AHCYL2: variants seen among roughly 807,000 people sequenced by gnomAD.
AHCYL2 encodes adenosylhomocysteinase like 2.
A neutral mutation model predicts 81.4 loss-of-function variants in AHCYL2; 28 were observed. The observed-to-expected ratio is 0.34, with a 90% confidence interval of 0.25 to 0.47. The LOEUF (loss-of-function observed/expected upper bound fraction) is 0.47, where lower values mean the gene tolerates loss of function less well. AHCYL2 is among the 20% of genes least tolerant of loss of function. AHCYL2 has a pLI of 1.00. For synonymous variants in AHCYL2, 272 were observed against 290.2 expected (o/e 0.94, Z 0.64); for missense variants, 551 against 785.1 (o/e 0.70, Z 3.56).
chr7:129,393,522 A>G (rs951898630), intron 4 of AHCYL2, among the ~76,000 whole-genome samples: 2 of 152,214 alleles, frequency 1.3e-5, no homozygotes, highest in Non-Finnish European at 2.9e-5. Flanking sequence ...CATTATTTTT[A>G]TTTGTATGGA....
chr7:129,319,643 A>G (rs1463452550), intron 1 of AHCYL2, among the ~76,000 whole-genome samples: 1 of 152,182 alleles, frequency 6.6e-6, no homozygotes, highest in South Asian at 2.1e-4. Flanking sequence ...TCTTACCACA[A>G]TAGATTTGTT....
At chr7:129,371,123 C>G (rs1306746732) in intron 1 of AHCYL2, among the ~76,000 whole-genome samples, 1 of 152,166 alleles carries the variant, frequency 6.6e-6, no homozygotes, top group African/African-American at 2.4e-5. Flanking sequence ...TGCTCCAGCT[C>G]CCATGTTGGG....
intron 1 of AHCYL2, among the ~76,000 whole-genome samples, chr7:129,341,938 T>A (rs1355538654): frequency 1.3e-5 from 2 of 152,174 alleles, no homozygotes; most frequent in Admixed American, 6.5e-5. Flanking sequence ...GGACTACAAG[T>A]CTGTTAAGTG....
chr7:129,291,660 T>C (rs1796868838), intron 1 of AHCYL2, among the ~76,000 whole-genome samples: 1 of 151,074 alleles, frequency 6.6e-6, no homozygotes, highest in Non-Finnish European at 1.5e-5. Context: ...TGGAGTGCAG[T>C]GGCGTGATCT....
intron 1 of AHCYL2, among the ~76,000 whole-genome samples, chr7:129,240,401 G>T (rs1185242164): frequency 6.6e-6 from 1 of 151,734 alleles, no homozygotes; most frequent in Non-Finnish European, 1.5e-5. Context: ...TAAAACTAAG[G>T]TTTTCATGGA....
rs776655372 is a variant in AHCYL2 at position 129,225,194 on chromosome 7, G to T, written c.118G>T (p.Ala40Ser). Reference sequence around the variant, plus strand: ...AGGACTGAGCACGGCCGCCGTGGGCGCCATGGCCCCCCCGGCGGGCGGTGG... The same window carrying T: ...AGGACTGAGCACGGCCGCCGTGGGCTCCATGGCCCCCCCGGCGGGCGGTGG... Reference protein sequence around the residue: ...QLGLSTAAVGAMAPPAGGGDP... With the variant: ...QLGLSTAAVGSMAPPAGGGDP... The change falls in exon 1 of 17, where the codon GCC (alanine) becomes TCC (serine). Residue 40 changes from alanine to serine, a missense_variant. Ala to Ser is a moderately conservative substitution (Grantham distance 99). Around this residue, in one of 2 missense-constraint regions of AHCYL2, gnomAD observed 235 missense variants for 242.1 expected, o/e 0.97. Transcript: ENST00000325006. 3.2e-6 allele frequency: 5 copies of T among 1,563,004 alleles called. No homozygotes were observed. Among genetic ancestry groups the T allele is most frequent in the Non-Finnish European group, 4.3e-6 (5 of 1,160,296 alleles).
At chr7:129,347,236 A>G (rs1793393716) in intron 1 of AHCYL2, among the ~76,000 whole-genome samples, 1 of 152,194 alleles carries the variant, frequency 6.6e-6, no homozygotes. Context: ...GTCTAAACTC[A>G]TAGAATGTAT....
At chr7:129,375,673 T>C in intron 1 of AHCYL2, 1 of 1,379,624 alleles carries the variant, frequency 7.2e-7, no homozygotes, top group East Asian at 2.6e-5. Context: ...CAGAAATGCC[T>C]TATTAAATTG....
At position 129,429,195 on chromosome 7, in the gene AHCYL2, T is replaced by C. The variant is rs1797481458; in HGVS notation, c.*2150T>C. On this transcript the variant is annotated 3_prime_UTR_variant, in exon 17 of 17. Transcript: ENST00000325006. ...GCCACACGGGGCTTCTAAGTTAGGT[T>C]GCCAGTGTTGCTGCCCATGATGAGT... The C allele has an allele frequency of 6.6e-6, 1 of 152,246 alleles. No individual in the cohort carries two copies. The highest frequency in any genetic ancestry group is 6.5e-5 in the Admixed American group (1 of 15,294). 9.4% of individuals were successfully genotyped at this position (152,246 alleles called of 1,614,324 possible).
At chr7:129,238,396 A>G (rs560476084) in intron 1 of AHCYL2, among the ~76,000 whole-genome samples, 2 of 152,288 alleles carry the variant, frequency 1.3e-5, no homozygotes, top group Admixed American at 6.5e-5. Flanking sequence ...GCTTCTGGAT[A>G]TTTGCCTAAT....
At chr7:129,322,192 T>A (rs1032956283) in intron 1 of AHCYL2, among the ~76,000 whole-genome samples, 2 of 151,010 alleles carry the variant, frequency 1.3e-5, no homozygotes, top group African/African-American at 4.9e-5. Context: ...CAGGCTGGAG[T>A]CCAGTGGCGT....
intron 6 of AHCYL2, 75 bp downstream of exon 6, chr7:129,400,459 G>A: frequency 7.3e-7 from 1 of 1,374,924 alleles, no homozygotes; most frequent in East Asian, 2.3e-5. Context: ...GCCTAGGAGA[G>A]GGTTTCCCAA....
intron 1 of AHCYL2, among the ~76,000 whole-genome samples, chr7:129,372,667 G>A (rs543697681): frequency 6.6e-6 from 1 of 152,118 alleles, no homozygotes; most frequent in African/African-American, 2.4e-5. Context: ...AAAAAAATAA[G>A]CCAGGCATGG....
intron 1 of AHCYL2, among the ~76,000 whole-genome samples, chr7:129,364,493 A>G (rs934715062): frequency 1.3e-5 from 2 of 151,998 alleles, no homozygotes; most frequent in African/African-American, 4.8e-5. Context: ...GTTTCACCAC[A>G]TTCACCAGGC....
chr7:129,283,680 TA>T (rs1358671114), intron 1 of AHCYL2, among the ~76,000 whole-genome samples: 1 of 152,156 alleles, frequency 6.6e-6, no homozygotes, highest in Non-Finnish European at 1.5e-5. Context: ...TTTTTATCTA[TA>T]AAAAAGAGGT....
At chr7:129,329,999 T>G (rs540028253) in intron 1 of AHCYL2, among the ~76,000 whole-genome samples, 94 of 152,262 alleles carry the variant, frequency 6.2e-4, no homozygotes, top group South Asian at 1.2e-3. Context: ...TTTTAAAAAT[T>G]TAATTTAATT....
At chr7:129,319,074 A>T (rs1318438603) in intron 1 of AHCYL2, among the ~76,000 whole-genome samples, 1 of 152,206 alleles carries the variant, frequency 6.6e-6, no homozygotes, top group East Asian at 1.9e-4. Flanking sequence ...CAGTGAGAAA[A>T]ACAAGAATAA....
Position 129,302,115 on chromosome 7 carries a change from A to G in AHCYL2, c.363+76676A>G, listed in dbSNP as rs1306111759. On this transcript the variant is annotated intron_variant, in intron 1 of 16. Transcript: ENST00000325006. ...TATTTCACTTATTTGGTTAATTCCT[A>G]GGTATTTAATTTTATCTGTAGTTAT... Among the ~76,000 whole-genome samples the G allele has an allele frequency of 2.6e-5, 4 of 152,124 alleles. No individual in the cohort carries two copies. The East Asian group carries it at 7.7e-4, about 29-fold the overall frequency.
intron 1 of AHCYL2, among the ~76,000 whole-genome samples, chr7:129,352,080 ACTTCGGCTGCATG>A (rs1793586747): frequency 1.3e-5 from 2 of 152,078 alleles, no homozygotes; most frequent in Non-Finnish European, 1.5e-5. Flanking sequence ...CACATAAAGT[ACTTCGGCTGCATG>A]CTGAAATATA....
Sources: allele counts gnomAD v4.1 joint callset (sites outside exome capture counted in the v4.1 genomes callset), GRCh38; gene constraint gnomAD v4.1.1; regional missense constraint gnomAD v4.1.1; transcripts MANE v1.5; gene names NCBI Gene and HGNC (gene_info 2026-07-23, HGNC 2026-07-21).